PGGT1B: variants seen among roughly 807,000 people sequenced by gnomAD.
The protein encoded by PGGT1B is geranylgeranyl transferase type-1 subunit beta.
Under a neutral mutation model 46.1 loss-of-function variants are expected in PGGT1B, and 30 were observed. The observed-to-expected ratio is 0.65, with a 90% CI of 0.49 to 0.88. The LOEUF is 0.88. Among genes scored for constraint, PGGT1B ranks in the 40% least tolerant of loss-of-function variants. PGGT1B has a pLI of 0.00. For missense variants in PGGT1B, 376 were observed against 455.9 expected (o/e 0.82, Z 1.60); for synonymous variants, 170 against 160.0 (o/e 1.06, Z -0.47).
chr5:115,219,700 A>G (rs528417717), intron 7 of PGGT1B, among the ~76,000 whole-genome samples: 118 of 152,000 alleles, frequency 7.8e-4, no homozygotes, highest in African/African-American at 2.7e-3. Context: ...TATATCTGAG[A>G]AGGGATTAAT....
intron 6 of PGGT1B, among the ~76,000 whole-genome samples, chr5:115,228,137 T>C (rs1019716580): frequency 1.3e-5 from 2 of 152,212 alleles, no homozygotes; most frequent in Non-Finnish European, 1.5e-5. Flanking sequence ...CAGTTTGAGA[T>C]ACTGAAGTCA....
chr5:115,214,635 T>C (rs1412520834), intron 8 of PGGT1B, among the ~76,000 whole-genome samples: 1 of 152,154 alleles, frequency 6.6e-6, no homozygotes, highest in East Asian at 1.9e-4. Context: ...AATGTATCTG[T>C]AAAAAGTAAG....
chr5:115,252,237 T>A (rs1748133040), intron 2 of PGGT1B, among the ~76,000 whole-genome samples: 1 of 152,086 alleles, frequency 6.6e-6, no homozygotes, highest in Admixed American at 6.5e-5. Context: ...AAATCATTTT[T>A]TAATAAGACT....
intron 5 of PGGT1B, among the ~76,000 whole-genome samples, chr5:115,232,104 A>C (rs67276221): frequency 0.36 from 55,190 of 151,948 alleles, 10,720 homozygotes; most frequent in Non-Finnish European, 0.44. Flanking sequence ...TGGCCAACAA[A>C]GATGAAAGTG....
At chr5:115,246,771 C>A (rs564810514) in intron 2 of PGGT1B, among the ~76,000 whole-genome samples, 2 of 152,208 alleles carry the variant, frequency 1.3e-5, no homozygotes, top group East Asian at 3.9e-4. Flanking sequence ...CGGTTTGACA[C>A]ATAGTCAGAA....
At chr5:115,231,079 T>G in intron 5 of PGGT1B, 58 bp from the exon 6 acceptor site, 2 of 888,200 alleles carry the variant, frequency 2.3e-6, no homozygotes, top group Non-Finnish European at 3.4e-6. Flanking sequence ...AATAAATGAA[T>G]AAATAAGTTG....
At chr5:115,221,383 T>C (rs1461781281) in intron 7 of PGGT1B, among the ~76,000 whole-genome samples, 1 of 151,906 alleles carries the variant, frequency 6.6e-6, no homozygotes, top group Non-Finnish European at 1.5e-5. Context: ...AACAAATAAA[T>C]AATAAAAAAG....
intron 1 of PGGT1B, among the ~76,000 whole-genome samples, chr5:115,258,968 C>T (rs867041893): frequency 1.3e-5 from 2 of 152,306 alleles, no homozygotes; most frequent in African/African-American, 4.8e-5. Flanking sequence ...ATTTCTAAGA[C>T]CTTAGACGTT....
intron 7 of PGGT1B, among the ~76,000 whole-genome samples, chr5:115,219,918 T>C (rs55869777): frequency 0.022 from 3,351 of 151,848 alleles, 63 homozygotes; most frequent in Middle Eastern, 0.085. Context: ...TATATTAATA[T>C]ATATACATAA....
intron 6 of PGGT1B, 134 bp from the exon 7 acceptor site, chr5:115,222,142 G>T: frequency 2.1e-6 from 1 of 486,806 alleles, no homozygotes; most frequent in African/African-American, 2.0e-5. Context: ...TAAAAGATGA[G>T]ATTTTAAAAT....
intron 2 of PGGT1B, among the ~76,000 whole-genome samples, chr5:115,243,077 T>G (rs1478609416): frequency 6.6e-6 from 1 of 152,048 alleles, no homozygotes; most frequent in East Asian, 1.9e-4. Flanking sequence ...ATAACAGAAG[T>G]TATAAAAACA....
At chr5:115,251,843 C>G (rs1009659872) in intron 2 of PGGT1B, among the ~76,000 whole-genome samples, 1 of 151,756 alleles carries the variant, frequency 6.6e-6, no homozygotes, top group African/African-American at 2.4e-5. Flanking sequence ...AAAAAAAATA[C>G]CAAGCACAAT....
At position 115,231,316 on chromosome 5, in the gene PGGT1B, C is replaced by A. The variant is rs3805587; in HGVS notation, c.613-295G>T. ...ATCCCTACTCAATAAAAGCTCCAAA[C>A]CTTACTCCTTTACCATTGCAAGTAT... On this transcript the variant is annotated intron_variant, in intron 5 of 8. Transcript: ENST00000419445. Among the ~76,000 whole-genome samples, 7 of 151,924 alleles carry A rather than the reference C, an allele frequency of 4.6e-5. No homozygotes were observed. In the East Asian group the frequency reaches 9.7e-4, roughly 21 times the overall value.
chr5:115,223,881 T>A (rs948280509), intron 6 of PGGT1B, among the ~76,000 whole-genome samples: 3 of 152,214 alleles, frequency 2.0e-5, no homozygotes, highest in African/African-American at 7.2e-5. Flanking sequence ...CACCTAGTGA[T>A]TTTTATTAAT....
intron 8 of PGGT1B, among the ~76,000 whole-genome samples, chr5:115,213,938 G>A (rs1756326372): frequency 6.6e-6 from 1 of 152,146 alleles, no homozygotes; most frequent in South Asian, 2.1e-4. Context: ...AACTAATGGA[G>A]GCCCATGTTG....
Position 115,211,913 on chromosome 5 carries a change from TAA to T in PGGT1B, c.*487_*488del, listed in dbSNP as rs1342937637. On this transcript the variant is annotated 3_prime_UTR_variant, in exon 9 of 9. Transcript: ENST00000419445. ...TAAGACAAAATAAGTCACTCTTCTT[TAA>T]AAAAAATTATGGTCATCTGTTTTCA... 1 of 154,224 alleles carries T rather than the reference TAA, an allele frequency of 6.5e-6. No individual in the cohort carries two copies. The highest frequency in any genetic ancestry group is 1.4e-5 in the Non-Finnish European group (1 of 69,162). The allele number at this position is 154,224 out of a possible 1,614,324, so 9.6% of individuals were successfully genotyped here.
intron 2 of PGGT1B, among the ~76,000 whole-genome samples, chr5:115,243,543 G>T (rs1260124998): frequency 6.6e-6 from 1 of 152,084 alleles, no homozygotes. Context: ...GGTGTGAGAT[G>T]ATATGAATAA....
chr5:115,215,981 G>T (rs190421343), intron 8 of PGGT1B, among the ~76,000 whole-genome samples: 20 of 152,314 alleles, frequency 1.3e-4, no homozygotes, highest in Admixed American at 3.3e-4. Flanking sequence ...GTCGGGTGAG[G>T]TGTAGGCTGC....
At chr5:115,250,810 G>T (rs1019069041) in intron 2 of PGGT1B, among the ~76,000 whole-genome samples, 1 of 152,100 alleles carries the variant, frequency 6.6e-6, no homozygotes, top group African/African-American at 2.4e-5. Flanking sequence ...CTTCCTTCTA[G>T]TACTCCCCAA....
Sources: allele counts gnomAD v4.1 joint callset (sites outside exome capture counted in the v4.1 genomes callset), GRCh38; gene constraint gnomAD v4.1.1; transcripts MANE v1.5; gene names NCBI Gene and HGNC (gene_info 2026-07-23, HGNC 2026-07-21).